The following LRBA variants were observed in gnomAD, a reference collection of about 807,000 sequenced individuals.
LRBA encodes the protein lipopolysaccharide-responsive and beige-like anchor protein.
In LRBA, 176 loss-of-function variants were observed where a neutral mutation model predicts 330.0. The observed-to-expected ratio is 0.53, with a 90% CI of 0.47 to 0.60. The LOEUF is 0.60. LRBA is among the 20% of genes least tolerant of loss of function. LRBA has a pLI of 0.00. For synonymous variants in LRBA, 1,230 were observed against 1,193.0 expected (o/e 1.03, Z -0.64); for missense variants, 3,259 against 3,444.8 (o/e 0.95, Z 1.35).
Position 150,273,900 on chromosome 4 carries a change from G to A in LRBA, c.8468+3953C>T, listed in dbSNP as rs942683312. On this transcript the variant is annotated intron_variant, in intron 56 of 56. Transcript: ENST00000651943. Reference sequence around the variant, plus strand: ...CCCACTGTCAATATTAGATCAATGAGACAGAAAAGCAACAACAAGGATATT... The same window carrying A: ...CCCACTGTCAATATTAGATCAATGAAACAGAAAAGCAACAACAAGGATATT... Among the ~76,000 whole-genome samples, 3 of 152,210 alleles carry A rather than the reference G, an allele frequency of 2.0e-5. No individual in the cohort carries two copies. The East Asian group carries it at 5.8e-4, about 29-fold the overall frequency.
At chr4:150,899,723 C>A (rs1266934774) in intron 14 of LRBA, among the ~76,000 whole-genome samples, 3 of 152,104 alleles carry the variant, frequency 2.0e-5, no homozygotes, top group Non-Finnish European at 4.4e-5. Flanking sequence ...TTGTGACAAT[C>A]CATCTCAGCA....
At chr4:150,812,037 T>C (rs543075432) in intron 31 of LRBA, among the ~76,000 whole-genome samples, 19 of 152,130 alleles carry the variant, frequency 1.2e-4, no homozygotes, top group African/African-American at 4.6e-4. Flanking sequence ...TAACCAGCAA[T>C]AGTTATAAGA....
At chr4:150,536,484 A>ATTG (rs1764669255) in intron 40 of LRBA, among the ~76,000 whole-genome samples, 1 of 152,164 alleles carries the variant, frequency 6.6e-6, no homozygotes, top group Admixed American at 6.5e-5. Context: ...TTTGGGGCAC[A>ATTG]AAGGTGGCTT....
At chr4:150,404,806 C>T (rs1430233094) in intron 47 of LRBA, among the ~76,000 whole-genome samples, 1 of 152,110 alleles carries the variant, frequency 6.6e-6, no homozygotes, top group Non-Finnish European at 1.5e-5. Flanking sequence ...AGAATAAACA[C>T]AGAATTTGAA....
intron 44 of LRBA, among the ~76,000 whole-genome samples, chr4:150,453,887 A>G (rs1262900156): frequency 6.6e-6 from 1 of 152,146 alleles, no homozygotes; most frequent in African/African-American, 2.4e-5. Context: ...TCAACCCTAA[A>G]TGTAAGAATT....
intron 42 of LRBA, among the ~76,000 whole-genome samples, chr4:150,473,394 G>A (rs751735505): frequency 7.9e-5 from 12 of 152,132 alleles, no homozygotes; most frequent in Non-Finnish European, 1.5e-4. Flanking sequence ...AGTGACCTTA[G>A]AGAGCTGGTA....
At chr4:150,509,964 G>A (rs1458528424) in intron 40 of LRBA, among the ~76,000 whole-genome samples, 14 of 151,876 alleles carry the variant, frequency 9.2e-5, no homozygotes, top group Admixed American at 7.2e-4. Context: ...TGGTGAAACC[G>A]CATCTCTACT....
intron 46 of LRBA, among the ~76,000 whole-genome samples, chr4:150,432,558 C>T (rs369184360): frequency 1.8e-4 from 26 of 143,948 alleles, no homozygotes; most frequent in South Asian, 1.8e-3. Context: ...CCTGGGTTCA[C>T]GCCATTCTCC....
chr4:150,641,328 T>C (rs1025234007), intron 37 of LRBA, among the ~76,000 whole-genome samples: 3 of 151,756 alleles, frequency 2.0e-5, no homozygotes, highest in Non-Finnish European at 4.4e-5. Context: ...AATATTTAAC[T>C]AATTTTCCAC....
intron 36 of LRBA, among the ~76,000 whole-genome samples, chr4:150,731,017 C>CA (rs1450900429): frequency 6.6e-6 from 1 of 151,950 alleles, no homozygotes; most frequent in Non-Finnish European, 1.5e-5. Context: ...GACTCTGTCT[C>CA]AAAAAACAAA....
At chr4:150,683,071 T>G (rs1478061323) in intron 37 of LRBA, among the ~76,000 whole-genome samples, 1 of 152,098 alleles carries the variant, frequency 6.6e-6, no homozygotes, top group East Asian at 1.9e-4. Flanking sequence ...TCCTGAAATT[T>G]GCAACATAAG....
At chr4:150,541,923 C>T (rs1765359677) in intron 40 of LRBA, among the ~76,000 whole-genome samples, 1 of 152,028 alleles carries the variant, frequency 6.6e-6, no homozygotes, top group Non-Finnish European at 1.5e-5. Context: ...CTCAAGCAAT[C>T]CACCTGCCTC....
At chr4:150,346,044 G>A (rs899698808) in intron 48 of LRBA, among the ~76,000 whole-genome samples, 1 of 152,142 alleles carries the variant, frequency 6.6e-6, no homozygotes, top group Non-Finnish European at 1.5e-5. Flanking sequence ...CTGGACTCAA[G>A]TGATCCTCCT....
chr4:150,833,600 G>C (rs936099917), intron 28 of LRBA, among the ~76,000 whole-genome samples: 1 of 152,048 alleles, frequency 6.6e-6, no homozygotes, highest in South Asian at 2.1e-4. Context: ...TAAAAAAAAC[G>C]CACATAATTT....
chr4:150,611,157 A>G (rs1561421623), intron 37 of LRBA, among the ~76,000 whole-genome samples: 1 of 152,142 alleles, frequency 6.6e-6, no homozygotes, highest in Non-Finnish European at 1.5e-5. Context: ...GGGAGGCAGG[A>G]CCTCACTCTT....
At chr4:150,373,899 T>C (rs187204207) in intron 47 of LRBA, among the ~76,000 whole-genome samples, 1 of 152,336 alleles carries the variant, frequency 6.6e-6, no homozygotes, top group Admixed American at 6.5e-5. Flanking sequence ...AAAAATATGC[T>C]ATGTACTGGT....
chr4:150,587,968 C>T (rs1772325742), intron 40 of LRBA, 80 bp downstream of exon 40: 5 of 1,437,902 alleles, frequency 3.5e-6, no homozygotes, highest in African/African-American at 1.4e-5. Flanking sequence ...CTAAGCCTGT[C>T]AGATTTACCA....
At chr4:150,469,481 A>G (rs1256698020) in intron 43 of LRBA, among the ~76,000 whole-genome samples, 2 of 152,218 alleles carry the variant, frequency 1.3e-5, no homozygotes, top group East Asian at 3.8e-4. Flanking sequence ...TGTGCATTCA[A>G]CATGGGTTAA....
intron 47 of LRBA, among the ~76,000 whole-genome samples, chr4:150,387,122 T>C (rs1429784240): frequency 2.0e-5 from 3 of 152,138 alleles, no homozygotes; most frequent in African/African-American, 4.8e-5. Context: ...TTTTGTAAAT[T>C]TGTTTAAGTT....
Sources: allele counts gnomAD v4.1 joint callset (sites outside exome capture counted in the v4.1 genomes callset), GRCh38; gene constraint gnomAD v4.1.1; transcripts MANE v1.5; gene names NCBI Gene and HGNC (gene_info 2026-07-23, HGNC 2026-07-21).